The following CSTF3 variants were observed in gnomAD, a reference collection of about 807,000 sequenced individuals.
The protein encoded by CSTF3 is cleavage stimulation factor subunit 3, also known as CF-1 77 kDa subunit.
In CSTF3, 29 loss-of-function variants were observed where a neutral mutation model predicts 105.8. The observed-to-expected ratio is 0.27, with a 90% CI of 0.20 to 0.37. The LOEUF (loss-of-function observed/expected upper bound fraction) is 0.37. CSTF3 is among the 10% of genes least tolerant of loss of function. The pLI is 1.00. For synonymous variants in CSTF3, 252 were observed against 281.9 expected (o/e 0.89, Z 1.06); for missense variants, 357 against 879.3 (o/e 0.41, Z 7.51).
intron 3 of CSTF3, among the ~76,000 whole-genome samples, chr11:33,131,472 T>C (rs75992552): frequency 0.017 from 2,591 of 152,254 alleles, 85 homozygotes; most frequent in African/African-American, 0.059. Flanking sequence ...GTATTTTAGA[T>C]TTCTTAGGTC....
chr11:33,159,132 G>T (rs935053612), intron 1 of CSTF3, among the ~76,000 whole-genome samples: 2 of 151,992 alleles, frequency 1.3e-5, no homozygotes, highest in African/African-American at 4.8e-5. Flanking sequence ...AAATACTTGG[G>T]GCTGCAATGT....
At chr11:33,108,338 G>T in intron 4 of CSTF3, 48 bp downstream of exon 4, 1 of 1,393,512 alleles carries the variant, frequency 7.2e-7, no homozygotes, top group Non-Finnish European at 9.6e-7. Context: ...TACATACTAG[G>T]TTTTAAGTTA....
chr11:33,148,967 C>G (rs967815713), intron 1 of CSTF3, among the ~76,000 whole-genome samples: 4 of 150,744 alleles, frequency 2.7e-5, no homozygotes, highest in African/African-American at 9.7e-5. Context: ...GCTGGGACTA[C>G]AGGCGTGTAC....
chr11:33,086,164 G>A (rs1260373568), intron 18 of CSTF3, among the ~76,000 whole-genome samples, 175 bp from the exon 19 acceptor site: 3 of 152,168 alleles, frequency 2.0e-5, no homozygotes, highest in African/African-American at 7.2e-5. Context: ...TCAATGCCGT[G>A]GCCACTGGGA....
chr11:33,091,517 C>T (rs1048251475), intron 16 of CSTF3, among the ~76,000 whole-genome samples: 1 of 152,126 alleles, frequency 6.6e-6, no homozygotes, highest in Non-Finnish European at 1.5e-5. Context: ...ATAATATTTC[C>T]GCTGTACCAC....
intron 3 of CSTF3, chr11:33,141,060 A>G (rs1855705827): frequency 6.6e-6 from 1 of 152,132 alleles, no homozygotes; most frequent in Admixed American, 6.6e-5. Flanking sequence ...AAAGCAAGAA[A>G]AAAATATCAA....
At chr11:33,138,476 C>A (rs774425393) in intron 3 of CSTF3, among the ~76,000 whole-genome samples, 25 of 151,932 alleles carry the variant, frequency 1.6e-4, no homozygotes, top group Middle Eastern at 3.4e-3. Context: ...TTAAAGAGCA[C>A]TGAGGCTCTG....
At chr11:33,090,043 C>G (rs1235258451) in intron 17 of CSTF3, among the ~76,000 whole-genome samples, 2 of 152,150 alleles carry the variant, frequency 1.3e-5, no homozygotes, top group Admixed American at 6.5e-5. Context: ...TGAAGGAGCA[C>G]TGTTTTAAGA....
intron 3 of CSTF3, among the ~76,000 whole-genome samples, chr11:33,121,302 C>T (rs1056885776): frequency 1.3e-5 from 2 of 151,928 alleles, no homozygotes; most frequent in Non-Finnish European, 2.9e-5. Flanking sequence ...AATTTTGGCT[C>T]TATTTTAATG....
At chr11:33,152,222 T>C (rs1849793933) in intron 1 of CSTF3, among the ~76,000 whole-genome samples, 1 of 152,170 alleles carries the variant, frequency 6.6e-6, no homozygotes, top group African/African-American at 2.4e-5. Context: ...ATTGTGCCGC[T>C]GCACTCCAGC....
intron 1 of CSTF3, among the ~76,000 whole-genome samples, chr11:33,147,960 C>T (rs947306083): frequency 1.3e-5 from 2 of 152,076 alleles, no homozygotes; most frequent in South Asian, 2.1e-4. Context: ...TGTAGACAAG[C>T]AGAATCACTG....
chr11:33,103,540 G>A (rs1236906007), intron 8 of CSTF3, among the ~76,000 whole-genome samples: 1 of 152,110 alleles, frequency 6.6e-6, no homozygotes, highest in Non-Finnish European at 1.5e-5. Flanking sequence ...GGCCGAGTTG[G>A]GTGGATCACT....
At chr11:33,135,236 G>C (rs1003418662) in intron 3 of CSTF3, among the ~76,000 whole-genome samples, 2 of 152,140 alleles carry the variant, frequency 1.3e-5, no homozygotes, top group Non-Finnish European at 2.9e-5. Flanking sequence ...GACCCTGACT[G>C]TGAATCTAAC....
intron 3 of CSTF3, among the ~76,000 whole-genome samples, chr11:33,131,108 A>T (rs1031600982): frequency 5.9e-5 from 9 of 152,232 alleles, no homozygotes; most frequent in Non-Finnish European, 1.2e-4. Context: ...TGTGTACAGC[A>T]TTCCTTTGTA....
At chr11:33,113,206 A>AAAT (rs1855397383) in intron 3 of CSTF3, among the ~76,000 whole-genome samples, 1 of 147,156 alleles carries the variant, frequency 6.8e-6, no homozygotes, top group South Asian at 2.2e-4. Context: ...ACTTTGTCTC[A>AAAT]AAATAAATAA....
intron 3 of CSTF3, among the ~76,000 whole-genome samples, chr11:33,112,536 TG>T (rs1046520305): frequency 7.9e-5 from 12 of 152,274 alleles, no homozygotes; most frequent in African/African-American, 2.9e-4. Flanking sequence ...AACAGAACTA[TG>T]TAAACCAAGT....
chr11:33,092,738 AGGAT>A (rs752410659), intron 15 of CSTF3, among the ~76,000 whole-genome samples: 1 of 152,246 alleles, frequency 6.6e-6, no homozygotes, highest in Non-Finnish European at 1.5e-5. Flanking sequence ...TGAACATGGA[AGGAT>A]GGCAAACTCA....
At chr11:33,114,328 TG>T (rs1429726050) in intron 3 of CSTF3, among the ~76,000 whole-genome samples, 2 of 152,180 alleles carry the variant, frequency 1.3e-5, no homozygotes, top group East Asian at 3.9e-4. Flanking sequence ...CATGCTTCAT[TG>T]GATGTTTTAG....
rs779050403 is a variant in CSTF3 at position 33,103,199 on chromosome 11, A to C, written c.586-15T>G. 6 of 1,241,662 alleles carry C rather than the reference A, an allele frequency of 4.8e-6. No individual in the cohort carries two copies. Among genetic ancestry groups the C allele is most frequent in the Non-Finnish European group, 6.8e-6 (6 of 884,148 alleles). The allele number at this position is 1,241,662 out of a possible 1,614,324, so 76.9% of individuals were successfully genotyped here. A position where few individuals can be genotyped will look rare whatever the true frequency, so the allele number is the denominator to read the frequency against. ...ATATTGATACCCTAGAAAAAAACAA[A>C]AATATTTTAAAATTAAGTATAGTTT... On this transcript the variant is annotated splice_polypyrimidine_tract_variant and intron_variant, in intron 8 of 20. Coordinates refer to ENST00000323959, the MANE Select transcript of CSTF3 (RefSeq NM_001326.3).
Sources: allele counts gnomAD v4.1 joint callset (sites outside exome capture counted in the v4.1 genomes callset), GRCh38; gene constraint gnomAD v4.1.1; transcripts MANE v1.5; gene names NCBI Gene and HGNC (gene_info 2026-07-23, HGNC 2026-07-21).